The following RP1 variants were observed in gnomAD, a reference collection of about 807,000 sequenced individuals.
RP1 encodes oxygen-regulated protein 1.
A neutral mutation model predicts 14.8 loss-of-function variants in RP1; 16 were observed. The observed-to-expected ratio is 1.08, with a 90% CI of 0.73 to 1.65. RP1 has a LOEUF of 1.65. RP1 is among the 40% of genes most tolerant of loss of function. RP1 has a pLI of 0.00. For missense variants in RP1, 2,631 were observed against 2,535.0 expected (o/e 1.04, Z -0.81); for synonymous variants, 876 against 883.6 (o/e 0.99, Z 0.15).
At chr8:54,569,254 CCG>C (rs1804472114) in intron 1 of RP1, among the ~76,000 whole-genome samples, 1 of 152,168 alleles carries the variant, frequency 6.6e-6, no homozygotes, top group African/African-American at 2.4e-5. Context: ...CCCACTCTGA[CCG>C]AGAGGCCTTC....
rs747078626 is a variant in RP1, at chr8:54,754,914, G to C, written c.2920G>C (p.Gly974Arg). The change falls in exon 20 of 23, where the codon GGA becomes CGA. Residue 974 changes from glycine (G) to arginine (R), a missense_variant. By Grantham distance (125) the Gly-to-Arg change is moderately radical (BLOSUM62 -2). Coordinates refer to the RP1 transcript ENST00000636932. ...TGTCTGTGAGCTTCCTGTAGTAAAA[G>C]GAGGACAAGCTATTTTTCCATGTGT... is the stretch of plus-strand genomic sequence containing the variant. 3.9e-6 allele frequency: 6 copies of C among 1,524,980 alleles called. No homozygotes were observed. In the Middle Eastern group the frequency reaches 8.4e-4, roughly 214 times the overall value. The allele number at this position is 1,524,980 out of a possible 1,614,324, so 94.5% of individuals were successfully genotyped here. A position where few individuals can be genotyped will look rare whatever the true frequency, so the allele number is the denominator to read the frequency against.
intron 7 of RP1, among the ~76,000 whole-genome samples, chr8:54,664,271 T>C (rs547405093): frequency 2.0e-5 from 3 of 152,320 alleles, no homozygotes; most frequent in East Asian, 3.9e-4. Flanking sequence ...ACAAACAAAC[T>C]ACATTTTGTT....
chr8:54,664,829 CTA>C (rs1806980940), intron 7 of RP1, among the ~76,000 whole-genome samples: 2 of 152,034 alleles, frequency 1.3e-5, no homozygotes. Context: ...ACAATAGACA[CTA>C]GGGTGTGGAG....
At chr8:54,850,188 A>G (rs1380050530) in intron 25 of RP1, among the ~76,000 whole-genome samples, 1 of 152,234 alleles carries the variant, frequency 6.6e-6, no homozygotes. Context: ...TGATAGATGC[A>G]GTAATAGCCA....
chr8:54,673,921 T>G lies in RP1; in HGVS notation c.1395T>G (p.Leu465=). ...AGATTGTGATAGGCCATGATGGACTTGGCCCAGGTAAGACTCTTCCACAGA... is the reference window on the plus strand; with the variant it reads ...AGATTGTGATAGGCCATGATGGACTGGGCCCAGGTAAGACTCTTCCACAGA... Residue 465 remains leucine, a synonymous_variant, in exon 8 of 23, where the codon CTT becomes CTG. Transcript: ENST00000636932. 3.9e-6 allele frequency: 6 copies of G among 1,535,674 alleles called. No homozygotes were observed. The South Asian group carries it at 7.1e-5, about 18-fold the overall frequency.
chr8:54,800,854 TTTGA>T (rs1810688822), intron 24 of RP1, among the ~76,000 whole-genome samples: 1 of 152,218 alleles, frequency 6.6e-6, no homozygotes, highest in African/African-American at 2.4e-5. Context: ...TGAGTCTGAT[TTTGA>T]TTATTGTTTT....
At chr8:54,844,220 C>A (rs543305495) in intron 25 of RP1, among the ~76,000 whole-genome samples, 1 of 152,106 alleles carries the variant, frequency 6.6e-6, no homozygotes. Flanking sequence ...CCCAAAGAAC[C>A]CTTCATACCA....
rs1046217120 is a variant in RP1, at chr8:54,626,514, A to G, written c.2632A>G (p.Lys878Glu). The G allele has an allele frequency of 5.6e-6, 9 of 1,613,878 alleles. No homozygotes were observed. The highest frequency in any genetic ancestry group is 6.8e-6 in the Non-Finnish European group (8 of 1,179,924). The change falls in exon 4 of 4, where the codon AAA (lysine) becomes GAA (glutamate). Residue 878 changes from lysine (K) to glutamate (E), a missense_variant. Coordinates refer to ENST00000220676, the MANE Select transcript of RP1 (RefSeq NM_006269.2). The part of the protein sequence containing the change: ...SQKKRKGDKV[K>E]ASAILSKQHA... The stretch of plus-strand genomic sequence containing the variant: ...GAAAAAACGTAAAGGGGATAAAGTG[A>G]AAGCAAGTGCTATTTTAAGTAAACA...
intron 6 of RP1, among the ~76,000 whole-genome samples, chr8:54,659,252 T>C (rs1346160115): frequency 6.6e-6 from 1 of 152,172 alleles, no homozygotes; most frequent in East Asian, 1.9e-4. Flanking sequence ...TTTATGTTTG[T>C]TTTTGTTGCA....
At chr8:54,856,499 G>A (rs1300768240) in intron 26 of RP1, among the ~76,000 whole-genome samples, 1 of 152,182 alleles carries the variant, frequency 6.6e-6, no homozygotes, top group Non-Finnish European at 1.5e-5. Flanking sequence ...AAGATATTAA[G>A]AGACAGAACA....
At position 54,858,978 on chromosome 8, in the gene RP1, GTGTCACTGTAGACTA is replaced by G. The variant is rs1018918557; in HGVS notation, c.4069+1887_4069+1901del. On this transcript the variant is annotated intron_variant, in intron 27 of 28. Coordinates refer to the RP1 transcript ENST00000637698. ...TGTAAAGGAGTGTCACTGTAGAGCA[GTGTCACTGTAGACTA>G]TGTCACTGTAGACTGGTGTCACTGT... Among the ~76,000 whole-genome samples the G allele has an allele frequency of 2.6e-4, 40 of 152,144 alleles. No homozygotes were observed. In the South Asian group the frequency reaches 4.1e-3, roughly 16 times the overall value.
rs534159974 is a variant in RP1, at chr8:54,642,891, A to G, written c.788-6094A>G. 1.3e-4 allele frequency among the ~76,000 whole-genome samples: 20 copies of G among 152,272 alleles called. No individual in the cohort carries two copies. In the South Asian group the frequency reaches 1.5e-3, roughly 11 times the overall value. ...TTATAACACTAGGTGTTTTAAAACT[A>G]AAGATTTTTGTCACTCTGATAGATG... On this transcript the variant is annotated intron_variant, in intron 3 of 22. Transcript: ENST00000636932.
chr8:54,569,230 A>G (rs1182807511), intron 1 of RP1, among the ~76,000 whole-genome samples: 1 of 152,220 alleles, frequency 6.6e-6, no homozygotes, highest in African/African-American at 2.4e-5. Flanking sequence ...CACAAAGACC[A>G]GGCCACCTGT....
At chr8:54,590,603 G>C (rs1805024760) in intron 1 of RP1, among the ~76,000 whole-genome samples, 1 of 152,090 alleles carries the variant, frequency 6.6e-6, no homozygotes, top group Non-Finnish European at 1.5e-5. Context: ...GACCTTGCTT[G>C]AAAAGCCCAA....
intron 23 of RP1, among the ~76,000 whole-genome samples, chr8:54,775,542 C>T (rs1275491514): frequency 6.6e-6 from 1 of 152,160 alleles, no homozygotes; most frequent in Admixed American, 6.5e-5. Flanking sequence ...TTGCAGCCAG[C>T]ACCACCTTGC....
intron 1 of RP1, among the ~76,000 whole-genome samples, chr8:54,572,347 C>A (rs1451230288): frequency 2.0e-5 from 3 of 152,338 alleles, no homozygotes; most frequent in African/African-American, 4.8e-5. Flanking sequence ...GATCAATAAA[C>A]AATTATTTAG....
At chr8:54,804,337 G>A (rs956442268) in intron 24 of RP1, among the ~76,000 whole-genome samples, 8 of 152,120 alleles carry the variant, frequency 5.3e-5, no homozygotes, top group African/African-American at 1.9e-4. Context: ...AGCACACACA[G>A]CCAGACACTA....
At chr8:54,838,429 CTGTGTATATGTG>C (rs1480392092) in intron 25 of RP1, among the ~76,000 whole-genome samples, 3 of 152,008 alleles carry the variant, frequency 2.0e-5, no homozygotes, top group Non-Finnish European at 1.5e-5. Flanking sequence ...AATGAAATTA[CTGTGTATATGTG>C]TGTGTATATG....
downstream of RP1, among the ~76,000 whole-genome samples, chr8:54,774,579 AC>A (rs1809989629): frequency 6.6e-6 from 1 of 152,200 alleles, no homozygotes; most frequent in Non-Finnish European, 1.5e-5. Flanking sequence ...AACCAGGAAG[AC>A]AGTGCAGTGC....
Sources: allele counts gnomAD v4.1 joint callset (sites outside exome capture counted in the v4.1 genomes callset), GRCh38; gene constraint gnomAD v4.1.1; transcripts MANE v1.5; gene names NCBI Gene and HGNC (gene_info 2026-07-23, HGNC 2026-07-21).